KIF26B: variants seen among roughly 807,000 people sequenced by gnomAD.
KIF26B encodes kinesin-like protein KIF26B.
Under a neutral mutation model 151.2 loss-of-function variants are expected in KIF26B, and 63 were observed. That is an observed-to-expected ratio of 0.42 (90% confidence interval 0.34 to 0.51). The LOEUF is 0.51. KIF26B is among the 20% of genes least tolerant of loss of function. KIF26B has a pLI of 0.07. For synonymous variants in KIF26B, 1,357 were observed against 1,262.1 expected, an observed-to-expected ratio of 1.08 and a Z score of -1.59; for missense variants, 2,813 against 2,913.6, an observed-to-expected ratio of 0.97 and a Z score of 0.79.
At chr1:245,384,863 T>C (rs568870877) in intron 3 of KIF26B, among the ~76,000 whole-genome samples, 10 of 152,226 alleles carry the variant, frequency 6.6e-5, no homozygotes, top group Non-Finnish European at 1.2e-4. Flanking sequence ...GGTAAGAATA[T>C]ATATTTGGTT....
At chr1:245,520,587 TCCATCCATCCATCCAC>T (rs1661074533) in intron 4 of KIF26B, among the ~76,000 whole-genome samples, 7 of 80,500 alleles carry the variant, frequency 8.7e-5, no homozygotes, top group African/African-American at 2.1e-4. Context: ...CATCCATCCA[TCCATCCATCCATCCAC>T]CCACCCACCC....
intron 9 of KIF26B, among the ~76,000 whole-genome samples, chr1:245,635,414 C>T (rs1033208312): frequency 6.6e-6 from 1 of 152,036 alleles, no homozygotes; most frequent in African/African-American, 2.4e-5. Context: ...GTTTAATTTA[C>T]TGGCATAATG....
rs577864330 is a variant in KIF26B at position 245,570,885 on chromosome 1, A to G, written c.1350+29935A>G. Reference sequence around the variant, plus strand: ...GAGGATATATTGGTCTTATTGTGCTATGTGTTAGAGCCACATATTCTTTCT... The same window carrying G: ...GAGGATATATTGGTCTTATTGTGCTGTGTGTTAGAGCCACATATTCTTTCT... On this transcript the variant is annotated intron_variant, in intron 5 of 14. Transcript: ENST00000407071. Among the ~76,000 whole-genome samples, 7 of 152,332 alleles carry G rather than the reference A, an allele frequency of 4.6e-5. No individual in the cohort carries two copies. In the South Asian group the frequency reaches 6.2e-4, roughly 14 times the overall value.
chr1:245,452,218 C>A (rs1257794048), intron 4 of KIF26B, among the ~76,000 whole-genome samples: 1 of 152,192 alleles, frequency 6.6e-6, no homozygotes, highest in Non-Finnish European at 1.5e-5. Context: ...TTTCACTTAG[C>A]ATAATATTTT....
chr1:245,601,553 G>A lies in KIF26B; in HGVS notation c.1351-1024G>A, dbSNP rs577449107. Among the ~76,000 whole-genome samples the A allele has an allele frequency of 8.5e-5, 13 of 152,204 alleles. No individual in the cohort carries two copies. The highest frequency in any genetic ancestry group is 4.2e-4 in the South Asian group (2 of 4,816). On this transcript the variant is annotated intron_variant, in intron 5 of 14. Transcript: ENST00000407071. The surrounding 1 kb of genome is among the most constrained non-coding windows in gnomAD (Gnocchi z 4.4). The stretch of plus-strand genomic sequence containing the variant: ...GAAATAATCCTTGTGCATACCTTCC[G>A]AAGTTGCCACATATTACTAAAATTA...
intron 3 of KIF26B, among the ~76,000 whole-genome samples, chr1:245,383,409 C>G (rs1269820467): frequency 6.6e-6 from 1 of 152,210 alleles, no homozygotes; most frequent in Non-Finnish European, 1.5e-5. Context: ...AGGGTCCACT[C>G]TCCAGCTTAG....
intron 9 of KIF26B, among the ~76,000 whole-genome samples, chr1:245,643,825 T>G (rs2043918051): frequency 6.6e-6 from 1 of 152,234 alleles, no homozygotes; most frequent in Non-Finnish European, 1.5e-5. Flanking sequence ...TGCTCCACTG[T>G]CTTCTCACCT....
In KIF26B at chr1:245,702,573, C is replaced by T; in HGVS notation, c.6294C>T (p.Ile2098=). 3 of 1,613,958 alleles carry T rather than the reference C, an allele frequency of 1.9e-6. No individual in the cohort carries two copies. The highest frequency in any genetic ancestry group is 1.7e-6 in the Non-Finnish European group (2 of 1,179,886). The change falls in exon 15 of 15, where the codon ATC becomes ATT. Residue 2098 remains isoleucine, a synonymous_variant. Transcript: ENST00000407071. The surrounding 1 kb of genome is among the most constrained non-coding windows in gnomAD (Gnocchi z 4.1). ...VNFCKAHLMM[I]TCFDITSRRR is the part of the protein sequence containing the mutation. Reference sequence around the variant, plus strand: ...TCTGCAAGGCCCATCTCATGATGATCACCTGCTTCGACATCACCTCCAGGC... The same window carrying T: ...TCTGCAAGGCCCATCTCATGATGATTACCTGCTTCGACATCACCTCCAGGC...
rs145185709 is a variant in KIF26B at position 245,617,583 on chromosome 1, C to G, written c.2098+5607C>G. Among the ~76,000 whole-genome samples, 410 of 152,270 alleles carry G rather than the reference C, an allele frequency of 2.7e-3. 6 individuals carry two copies. The highest frequency in any genetic ancestry group is 8.4e-3 in the African/African-American group (351 of 41,552). On this transcript the variant is annotated intron_variant, in intron 9 of 14. Coordinates refer to ENST00000407071, the MANE Select transcript of KIF26B (RefSeq NM_018012.4). ...ACAGCCAGTCCCCTGCTGTCCCCAG[C>G]AGCGAAGCCCTGTGCAGCAAGGATG...
At chr1:245,249,657 A>T (rs1189180703) in intron 2 of KIF26B, among the ~76,000 whole-genome samples, 1 of 151,850 alleles carries the variant, frequency 6.6e-6, no homozygotes, top group African/African-American at 2.4e-5. Context: ...TAACTTTTGT[A>T]TTTTTAGTAG....
chr1:245,585,423 G>A (rs1019973913), intron 5 of KIF26B, among the ~76,000 whole-genome samples: 12 of 152,142 alleles, frequency 7.9e-5, no homozygotes, highest in Non-Finnish European at 1.5e-4. Flanking sequence ...TCACTAACTT[G>A]GAGTATGAGT....
chr1:245,332,628 C>T (rs982963448), intron 2 of KIF26B, among the ~76,000 whole-genome samples: 12 of 152,140 alleles, frequency 7.9e-5, no homozygotes, highest in Non-Finnish European at 2.9e-5. Context: ...TGTTGTGAGT[C>T]GTCTCCTGGA....
chr1:245,231,548 T>C (rs900912599), intron 2 of KIF26B, among the ~76,000 whole-genome samples: 2 of 152,102 alleles, frequency 1.3e-5, no homozygotes, highest in East Asian at 1.9e-4. Flanking sequence ...AATCCAAGAA[T>C]TCTTTATGGA....
At chr1:245,654,609 C>G (rs778399695) in intron 10 of KIF26B, among the ~76,000 whole-genome samples, 6 of 152,214 alleles carry the variant, frequency 3.9e-5, no homozygotes, top group Non-Finnish European at 7.3e-5. Context: ...ATGGGAGAAA[C>G]TGCAGGACTC....
chr1:245,679,684 GTCTCAAACTCCCGA>G (rs2044407029), intron 10 of KIF26B, among the ~76,000 whole-genome samples: 1 of 151,954 alleles, frequency 6.6e-6, no homozygotes, highest in Non-Finnish European at 1.5e-5. Context: ...GGCCAGGCTG[GTCTCAAACTCCCGA>G]TCTCAGGTGA....
chr1:245,532,218 T>TTTTTC (rs543766882), intron 4 of KIF26B, among the ~76,000 whole-genome samples: 3,276 of 145,052 alleles, frequency 0.023, 116 homozygotes, highest in African/African-American at 0.047. Flanking sequence ...GGAAAATTCT[T>TTTTTC]TTTTCTTTTC....
chr1:245,292,933 C>T (rs1671280061), intron 2 of KIF26B, among the ~76,000 whole-genome samples: 1 of 152,224 alleles, frequency 6.6e-6, no homozygotes, highest in African/African-American at 2.4e-5. Flanking sequence ...GTCCCTGCTC[C>T]TGAATTTTAA....
intron 2 of KIF26B, among the ~76,000 whole-genome samples, chr1:245,261,464 TC>T: frequency 2.8e-5 from 2 of 71,562 alleles, no homozygotes; most frequent in Non-Finnish European, 5.3e-5. Flanking sequence ...GCTTTTTCTT[TC>T]TTTCTCTCTC....
At chr1:245,344,336 C>T (rs1377994488) in intron 2 of KIF26B, among the ~76,000 whole-genome samples, 1 of 151,420 alleles carries the variant, frequency 6.6e-6, no homozygotes, top group Non-Finnish European at 1.5e-5. Flanking sequence ...GAGTCATATC[C>T]CCCTTTAAAA....
Sources: gnomAD v4.1 joint callset for allele counts (sites outside exome capture counted in the v4.1 genomes callset) on GRCh38, gnomAD v4.1.1 for gene constraint, Gnocchi (gnomAD v3.1) non-coding constraint, MANE v1.5 for transcripts, NCBI Gene and HGNC (gene_info 2026-07-23, HGNC 2026-07-21) for gene names.